The following DACT1 variants were observed in gnomAD, a reference collection of about 807,000 sequenced individuals.
DACT1 encodes dapper homolog 1.
In DACT1, 19 loss-of-function variants were observed where a neutral mutation model predicts 35.3. The ratio of observed to expected loss-of-function variants is 0.54; its 90% CI spans 0.38 to 0.79. The LOEUF (loss-of-function observed/expected upper bound fraction) is 0.79. Among genes scored for constraint, DACT1 ranks in the 30% least tolerant of loss-of-function variants. DACT1 has a pLI of 0.00. For synonymous variants in DACT1, 545 were observed against 466.7 expected (o/e 1.17, Z -2.16); for missense variants, 1,143 against 1,057.5 (o/e 1.08, Z -1.12).
At position 58,641,640 on chromosome 14, in the gene DACT1, C is replaced by G. The variant is rs759605025; in HGVS notation, c.527C>G (p.Ser176Cys). 4 of 1,614,180 alleles carry G rather than the reference C, an allele frequency of 2.5e-6. No homozygotes were observed. Among genetic ancestry groups the G allele is most frequent in the Non-Finnish European group, 3.4e-6 (4 of 1,180,022 alleles). Reference sequence around the variant, plus strand: ...GCTTCAGGATCCCTTTCCAATTCCTCTAACTCGGTGTTCAGTGAGTGTTTA... The same window carrying G: ...GCTTCAGGATCCCTTTCCAATTCCTGTAACTCGGTGTTCAGTGAGTGTTTA... ...DGASGSLSNS[S>C]NSVFSECLSS... Residue 176 changes from serine to cysteine, a missense_variant, in exon 3 of 4, where the codon TCT becomes TGT. Coordinates refer to ENST00000395153, the MANE Select transcript of DACT1 (RefSeq NM_001079520.2).
chr14:58,644,515 G>A (rs1385084228), intron 3 of DACT1, among the ~76,000 whole-genome samples: 3 of 152,162 alleles, frequency 2.0e-5, no homozygotes, highest in Admixed American at 6.5e-5. Context: ...GCAGGCGTGA[G>A]CCATCATACC....
rs772652626 is a variant in DACT1, at chr14:58,646,924, G to T, written c.2190G>T (p.Val730=). Residue 730 remains valine (V), a synonymous_variant, in exon 4 of 4, where the codon GTG becomes GTT. Coordinates refer to ENST00000395153, the MANE Select transcript of DACT1 (RefSeq NM_001079520.2). ...SESSVSEGEF[V]GESTTTSDSE... The stretch of plus-strand genomic sequence containing the variant: ...CGAGTGTGAGCGAGGGCGAGTTCGT[G>T]GGGGAGAGCACAACCACCAGCGACT... The T allele has an allele frequency of 6.8e-6, 11 of 1,614,162 alleles. No homozygotes were observed. The East Asian group carries it at 1.8e-4, about 26-fold the overall frequency.
intron 1 of DACT1, chr14:58,639,116 C>T: frequency 1.0e-6 from 1 of 985,376 alleles, no homozygotes; most frequent in South Asian, 4.7e-5. Context: ...TGCTTAATTT[C>T]AAATAGAAGC....
At chr14:58,639,933 T>C (rs528962098) in intron 1 of DACT1, among the ~76,000 whole-genome samples, 2 of 152,382 alleles carry the variant, frequency 1.3e-5, no homozygotes, top group South Asian at 2.1e-4. Flanking sequence ...AAGTGGCGCA[T>C]TCCTATTGTC....
intron 3 of DACT1, among the ~76,000 whole-genome samples, chr14:58,644,802 G>A (rs2047657082): frequency 6.6e-6 from 1 of 152,172 alleles, no homozygotes; most frequent in Non-Finnish European, 1.5e-5. Flanking sequence ...AGTTGTAAAC[G>A]CAGTACAGAC....
rs923407392 is a variant in DACT1 at position 58,641,575 on chromosome 14, G to A, written c.479-17G>A. 2.5e-6 allele frequency: 4 copies of A among 1,606,592 alleles called. No individual in the cohort carries two copies. Among genetic ancestry groups the A allele is most frequent in the Non-Finnish European group, 1.7e-6 (2 of 1,177,056 alleles). ...TTCTTGACATGATGTTAATTCCAACGGTGTTTTTATTTGTAGGGTTTTATG... is the reference window on the plus strand; with the variant it reads ...TTCTTGACATGATGTTAATTCCAACAGTGTTTTTATTTGTAGGGTTTTATG... On this transcript the variant is annotated splice_polypyrimidine_tract_variant and intron_variant, in intron 2 of 3. Transcript: ENST00000395153.
At chr14:58,645,058 A>G (rs926917680) in intron 3 of DACT1, among the ~76,000 whole-genome samples, 5 of 152,180 alleles carry the variant, frequency 3.3e-5, no homozygotes, top group Non-Finnish European at 5.9e-5. Flanking sequence ...TTCAGAGGAT[A>G]TATCATATGC....
Position 58,645,936 on chromosome 14 carries a change from G to A in DACT1, c.1202G>A (p.Gly401Asp). 6.2e-7 allele frequency: 1 copy of A among 1,613,952 alleles called. No individual in the cohort carries two copies. The highest frequency in any genetic ancestry group is 1.1e-5 in the South Asian group (1 of 91,086). The part of the protein sequence containing the change: ...AESKRVPLPE[G>D]CPSGAASDLQ... The stretch of plus-strand genomic sequence containing the variant: ...AGCAAGAGGGTGCCCCTGCCAGAGG[G>A]CTGCCCCTCAGGCGCTGCCTCCGAC... The change falls in exon 4 of 4, where the codon GGC becomes GAC. Residue 401 changes from glycine to aspartate, a missense_variant. By Grantham distance (94) the Gly-to-Asp change is moderately conservative. Around this residue, in one of 3 missense-constraint regions of DACT1, gnomAD observed 1,054 missense variants for 958.8 expected, o/e 1.10. Coordinates refer to ENST00000395153, the MANE Select transcript of DACT1 (RefSeq NM_001079520.2).
At position 58,638,210 on chromosome 14, in the gene DACT1, C is replaced by G; in HGVS notation, c.8C>G (p.Pro3Arg). ...GCTGCCCGACTGGGGGCCATGAAGC[C>G]GAGTCCGGCCGGGACGGCGAAGGAG... MKPSPAGTAKELE... is the reference protein window; with the variant it reads MKRSPAGTAKELE... Residue 3 changes from proline (P) to arginine (R), a missense_variant, in exon 1 of 4, where the codon CCG becomes CGG. Physicochemically the swap from Pro to Arg is moderately radical, Grantham distance 103 (BLOSUM62 -2). Coordinates refer to ENST00000395153, the MANE Select transcript of DACT1 (RefSeq NM_001079520.2). 4 of 1,338,192 alleles carry G rather than the reference C, an allele frequency of 3.0e-6. No individual in the cohort carries two copies. Among genetic ancestry groups the G allele is most frequent in the Admixed American group, 3.6e-5 (1 of 27,976 alleles). 82.9% of individuals were successfully genotyped at this position (1,338,192 alleles called of 1,614,324 possible).
At position 58,645,461 on chromosome 14, in the gene DACT1, A is replaced by G; in HGVS notation, c.727A>G (p.Ser243Gly). 6.2e-7 allele frequency: 1 copy of G among 1,614,218 alleles called. No individual in the cohort carries two copies. The highest frequency in any genetic ancestry group is 2.2e-5 in the East Asian group (1 of 44,888). ...PSPLHAVAVQ[S>G]PMFLLCLTGN... Reference sequence around the variant, plus strand: ...TCCACTTCATGCTGTGGCTGTGCAGAGCCCAATGTTTCTCCTTTGTCTGAC... The same window carrying G: ...TCCACTTCATGCTGTGGCTGTGCAGGGCCCAATGTTTCTCCTTTGTCTGAC... The change falls in exon 4 of 4, where the codon AGC (serine) becomes GGC (glycine). Residue 243 changes from serine to glycine, a missense_variant. Transcript: ENST00000395153.
At chr14:58,636,600 A>C (rs1218806633), upstream of DACT1, among the ~76,000 whole-genome samples, 1 of 152,276 alleles carries the variant, frequency 6.6e-6, no homozygotes, top group East Asian at 1.9e-4. Flanking sequence ...GTTAGACCAC[A>C]CAGAGAGGGG....
Position 58,646,131 on chromosome 14 carries a change from T to C in DACT1, c.1397T>C (p.Val466Ala). 1 of 1,613,596 alleles carries C rather than the reference T, an allele frequency of 6.2e-7. No individual in the cohort carries two copies. The highest frequency in any genetic ancestry group is 8.5e-7 in the Non-Finnish European group (1 of 1,179,876). Residue 466 changes from valine (V) to alanine (A), a missense_variant, in exon 4 of 4, where the codon GTA becomes GCA. By Grantham distance (64) the Val-to-Ala change is moderately conservative. Coordinates refer to ENST00000395153, the MANE Select transcript of DACT1 (RefSeq NM_001079520.2). ...GPAPPQENKV[V>A]QPLKKMSQKN... ...GCCCCGCCGCAGGAGAACAAAGTTG[T>C]ACAGCCCCTGAAAAAGATGTCACAG...
At chr14:58,637,821 C>T (rs1209053532), upstream of DACT1, among the ~76,000 whole-genome samples, 1 of 151,270 alleles carries the variant, frequency 6.6e-6, no homozygotes, top group Admixed American at 6.6e-5. Context: ...GAGGAGGCGG[C>T]TCTGGGGGCC....
chr14:58,647,033 C>T lies in DACT1; in HGVS notation c.2299C>T (p.His767Tyr), dbSNP rs751688023. 6.2e-7 allele frequency: 1 copy of T among 1,614,194 alleles called. No homozygotes were observed. Among genetic ancestry groups the T allele is most frequent in the Non-Finnish European group, 8.5e-7 (1 of 1,180,036 alleles). The change falls in exon 4 of 4, where the codon CAC (histidine) becomes TAC (tyrosine). Residue 767 changes from histidine (H) to tyrosine (Y), a missense_variant. Around this residue, in one of 3 missense-constraint regions of DACT1, gnomAD observed 1,054 missense variants for 958.8 expected, o/e 1.10. Coordinates refer to ENST00000395153, the MANE Select transcript of DACT1 (RefSeq NM_001079520.2). Reference protein sequence around the residue: ...QTVTAPDLHNHPAKTFVKIKA... With the variant: ...QTVTAPDLHNYPAKTFVKIKA... Reference sequence around the variant, plus strand: ...GGTAACGGCCCCAGACCTTCACAACCACCCCGCAAAAACCTTTGTCAAAAT... The same window carrying T: ...GGTAACGGCCCCAGACCTTCACAACTACCCCGCAAAAACCTTTGTCAAAAT...
chr14:58,641,722 C>G lies in DACT1; in HGVS notation c.609C>G (p.Leu203=). ...GCCCCTTGGAGGCGACCTTGAGTCTCTCAGATGGTTGCCCCAAATCTGCAG... is the reference window on the plus strand; with the variant it reads ...GCCCCTTGGAGGCGACCTTGAGTCTGTCAGATGGTTGCCCCAAATCTGCAG... ...FCSPLEATLS[L]SDGCPKSADV... is the part of the protein sequence containing the mutation. The change falls in exon 3 of 4, where the codon CTC becomes CTG. Residue 203 remains leucine (L), a synonymous_variant. Transcript: ENST00000395153. The G allele has an allele frequency of 6.2e-7, 1 of 1,614,012 alleles. No homozygotes were observed. Among genetic ancestry groups the G allele is most frequent in the Non-Finnish European group, 8.5e-7 (1 of 1,179,992 alleles).
chr14:58,637,898 G>GA (rs2047587127), upstream of DACT1, among the ~76,000 whole-genome samples: 1 of 151,610 alleles, frequency 6.6e-6, no homozygotes, highest in Non-Finnish European at 1.5e-5. Context: ...GGGCCGGCGC[G>GA]GGGAGGCGGG....
At position 58,647,201 on chromosome 14, in the gene DACT1, G is replaced by C; in HGVS notation, c.*67G>C. On this transcript the variant is annotated 3_prime_UTR_variant, in exon 4 of 4. Coordinates refer to ENST00000395153, the MANE Select transcript of DACT1 (RefSeq NM_001079520.2). ...TCTCCCTAGTTGCCAAAATTAAAAA[G>C]GTGGTGTTTTCATTTTTGTATAATA... 3.9e-6 allele frequency: 6 copies of C among 1,544,784 alleles called. No individual in the cohort carries two copies. The highest frequency in any genetic ancestry group is 5.3e-6 in the Non-Finnish European group (6 of 1,142,314).
chr14:58,637,848 AGAG>A (rs1281326088), upstream of DACT1, among the ~76,000 whole-genome samples: 2 of 150,814 alleles, frequency 1.3e-5, no homozygotes, highest in Non-Finnish European at 3.0e-5. Flanking sequence ...CGCGCCTGAC[AGAG>A]GAGGGGAAGC....
In DACT1 at chr14:58,646,528, G is replaced by GGGCGGGCCCGAGGCTGGTGTTCCC. The variant is rs1445688789; in HGVS notation, c.1798_1821dup (p.Gly600_Gly607dup). On this transcript the variant is annotated inframe_insertion, in exon 4 of 4. Transcript: ENST00000395153. ...CCTCCTCCAAGGGGAGGAAGAGTGG[G>GGGCGGGCCCGAGGCTGGTGTTCCC]GGCGGGCCCGAGGCTGGTGTTCCCG... 3 of 1,556,546 alleles carry GGGCGGGCCCGAGGCTGGTGTTCCC rather than the reference G, an allele frequency of 1.9e-6. No homozygotes were observed. The African/African-American group carries it at 4.1e-5, about 21-fold the overall frequency.
Sources: allele counts gnomAD v4.1 joint callset (sites outside exome capture counted in the v4.1 genomes callset), GRCh38; gene constraint gnomAD v4.1.1; regional missense constraint gnomAD v4.1.1; transcripts MANE v1.5; gene names NCBI Gene and HGNC (gene_info 2026-07-23, HGNC 2026-07-21).